The following POGLUT1 variants were observed in gnomAD, a reference collection of about 807,000 sequenced individuals.
POGLUT1 encodes the protein 9630046K23Rik.
In POGLUT1, 32 loss-of-function variants were observed where a neutral mutation model predicts 61.3. That is an observed-to-expected ratio of 0.52 (90% CI 0.39 to 0.70). POGLUT1 has a LOEUF of 0.70. Among genes scored for constraint, POGLUT1 ranks in the 30% least tolerant of loss-of-function variants. The pLI is 0.00. For missense variants in POGLUT1, 411 were observed against 469.8 expected, an observed-to-expected ratio of 0.87 and a Z score of 1.16; for synonymous variants, 158 against 158.2, an observed-to-expected ratio of 1.00 and a Z score of 0.01.
intron 7 of POGLUT1, chr3:119,487,160 C>G: frequency 1.9e-6 from 1 of 514,040 alleles, no homozygotes; most frequent in Admixed American, 3.2e-5. Context: ...AGGTTTAAAC[C>G]AGGGGTCACA....
At position 119,492,305 on chromosome 3, in the gene POGLUT1, A is replaced by G; in HGVS notation, c.1046A>G (p.His349Arg). ...AGGGGAAGCCAGTTTATTAGGAACC[A>G]TTTGCAGATGGATGACATCACCTGT... ...AERGSQFIRN[H>R]LQMDDITCYW... Residue 349 changes from histidine to arginine, a missense_variant, in exon 11 of 11, where the codon CAT becomes CGT. By Grantham distance (29) the His-to-Arg change is conservative. Transcript: ENST00000295588. The G allele has an allele frequency of 1.2e-6, 2 of 1,608,260 alleles. No individual in the cohort carries two copies. The highest frequency in any genetic ancestry group is 1.7e-6 in the Non-Finnish European group (2 of 1,177,468).
Position 119,471,328 on chromosome 3 carries a change from A to C in POGLUT1, c.196A>C (p.Thr66Pro). The change falls in exon 3 of 11, where the codon ACT becomes CCT. Residue 66 changes from threonine (T) to proline (P), a missense_variant. Thr to Pro is a conservative substitution (Grantham distance 38). Coordinates refer to ENST00000295588, the MANE Select transcript of POGLUT1 (RefSeq NM_152305.3). The stretch of plus-strand genomic sequence containing the variant: ...TCCCAGTGTCATAGAAGAGGATCTA[A>C]CTCCTTTCCGAGGAGGCATCTCCAG... ...CYHGVIEEDL[T>P]PFRGGISRKM... 2 of 1,613,902 alleles carry C rather than the reference A, an allele frequency of 1.2e-6. No individual in the cohort carries two copies. Among genetic ancestry groups the C allele is most frequent in the East Asian group, 4.5e-5 (2 of 44,872 alleles).
chr3:119,471,369 G>A lies in POGLUT1; in HGVS notation c.237G>A (p.Glu79=). 6.2e-7 allele frequency: 1 copy of A among 1,613,874 alleles called. No homozygotes were observed. The highest frequency in any genetic ancestry group is 8.5e-7 in the Non-Finnish European group (1 of 1,179,752). ...GCATCTCCAGGAAGATGATGGCAGA[G>A]GTAGTCAGACGGAAGCTAGGGACCC... is the stretch of plus-strand genomic sequence containing the variant. ...RGGISRKMMA[E]VVRRKLGTHY... The change falls in exon 3 of 11, where the codon GAG becomes GAA. Residue 79 remains glutamate (E), a synonymous_variant. Transcript: ENST00000295588.
chr3:119,475,987 CACACACAAACACAT>C (rs747895716), intron 3 of POGLUT1, among the ~76,000 whole-genome samples: 2,434 of 130,668 alleles, frequency 0.019, 28 homozygotes, highest in Middle Eastern at 0.082. Context: ...CACACACACA[CACACACAAACACAT>C]ACAGAGTTGC....
rs539520997 is a variant in POGLUT1 at position 119,475,213 on chromosome 3, T to G, written c.321-2100T>G. Among the ~76,000 whole-genome samples, 10 of 152,358 alleles carry G rather than the reference T, an allele frequency of 6.6e-5. No homozygotes were observed. The East Asian group carries it at 1.9e-3, about 29-fold the overall frequency. ...CTAGACTCATCAACAAAATAAAACATGCTGTCTTCTGTTCTGCACTTAGAT... is the reference window on the plus strand; with the variant it reads ...CTAGACTCATCAACAAAATAAAACAGGCTGTCTTCTGTTCTGCACTTAGAT... On this transcript the variant is annotated intron_variant, in intron 3 of 10. Coordinates refer to ENST00000295588, the MANE Select transcript of POGLUT1 (RefSeq NM_152305.3).
At chr3:119,471,497 T>C (rs2081474019) in intron 3 of POGLUT1, 45 bp downstream of exon 3, 4 of 1,571,652 alleles carry the variant, frequency 2.5e-6, no homozygotes, top group Non-Finnish European at 3.5e-6. Context: ...TTATTACATA[T>C]GGGCTTGATA....
At chr3:119,491,236 TATATA>T (rs984944370) in intron 9 of POGLUT1, among the ~76,000 whole-genome samples, 15 of 148,160 alleles carry the variant, frequency 1.0e-4, no homozygotes, top group African/African-American at 2.9e-4. Flanking sequence ...TCTAATATAA[TATATA>T]ATATAAATAT....
intron 7 of POGLUT1, chr3:119,488,290 G>A (rs758352044): frequency 5.9e-5 from 9 of 152,158 alleles, no homozygotes; most frequent in Non-Finnish European, 1.3e-4. Flanking sequence ...CTGCTAAGGT[G>A]GATGGAATGT....
In POGLUT1 at chr3:119,471,371, T is replaced by C. The variant is rs1417960546; in HGVS notation, c.239T>C (p.Val80Ala). ...GGISRKMMAEVVRRKLGTHYQ... is the reference protein window; with the variant it reads ...GGISRKMMAEAVRRKLGTHYQ... ...ATCTCCAGGAAGATGATGGCAGAGGTAGTCAGACGGAAGCTAGGGACCCAC... is the reference window on the plus strand; with the variant it reads ...ATCTCCAGGAAGATGATGGCAGAGGCAGTCAGACGGAAGCTAGGGACCCAC... The change falls in exon 3 of 11, where the codon GTA (valine) becomes GCA (alanine). Residue 80 changes from valine to alanine, a missense_variant. Physicochemically the swap from Val to Ala is moderately conservative, Grantham distance 64. Coordinates refer to ENST00000295588, the MANE Select transcript of POGLUT1 (RefSeq NM_152305.3). 6 of 1,613,600 alleles carry C rather than the reference T, an allele frequency of 3.7e-6. No homozygotes were observed. In the African/African-American group the frequency reaches 5.3e-5, roughly 14 times the overall value.
At chr3:119,482,201 T>C (rs956789378) in intron 5 of POGLUT1, among the ~76,000 whole-genome samples, 1 of 152,244 alleles carries the variant, frequency 6.6e-6, no homozygotes, top group Non-Finnish European at 1.5e-5. Flanking sequence ...TTTTCCCACC[T>C]GCCATGCAGC....
At chr3:119,472,198 G>GTTTTTTTTTTTTTTTTTT (rs202225934) in intron 3 of POGLUT1, among the ~76,000 whole-genome samples, 1 of 149,238 alleles carries the variant, frequency 6.7e-6, no homozygotes. Context: ...TATTTTTGGA[G>GTTTTTTTTTTTTTTTTTT]TTTGTTTTTT....
At chr3:119,492,213 C>A in intron 10 of POGLUT1, 69 bp from the exon 11 acceptor site, 2 of 1,184,262 alleles carry the variant, frequency 1.7e-6, no homozygotes, top group Non-Finnish European at 2.4e-6. Context: ...AAGGTGAGCA[C>A]TCAAATGCAG....
chr3:119,478,192 G>A, intron 4 of POGLUT1: 1 of 365,282 alleles, frequency 2.7e-6, no homozygotes, highest in Non-Finnish European at 5.4e-6. Flanking sequence ...GAGAGTGGAT[G>A]GAAGATTCTA....
intron 8 of POGLUT1, 149 bp downstream of exon 8, chr3:119,489,136 T>A: frequency 2.0e-6 from 1 of 504,388 alleles, no homozygotes; most frequent in Non-Finnish European, 3.7e-6. Flanking sequence ...AGGGCCTAAA[T>A]GCACTGACCT....
Position 119,492,637 on chromosome 3 carries a change from C to T in POGLUT1, c.*199C>T, listed in dbSNP as rs188259849. ...TCTAATACACTGATATGAAGCAGTTCAACTTTTTGGATGAATAAGGACCAG... is the reference window on the plus strand; with the variant it reads ...TCTAATACACTGATATGAAGCAGTTTAACTTTTTGGATGAATAAGGACCAG... On this transcript the variant is annotated 3_prime_UTR_variant, in exon 11 of 11. Transcript: ENST00000295588. 1.3e-5 allele frequency: 4 copies of T among 316,156 alleles called. No individual in the cohort carries two copies. In the Admixed American group the frequency reaches 1.5e-4, roughly 12 times the overall value. The allele number at this position is 316,156 out of a possible 1,614,324, so 19.6% of individuals were successfully genotyped here. A position where few individuals can be genotyped will look rare whatever the true frequency, so the allele number is the denominator to read the frequency against.
At chr3:119,485,250 A>G in intron 5 of POGLUT1, 78 bp from the exon 6 acceptor site, 1 of 907,896 alleles carries the variant, frequency 1.1e-6, no homozygotes, top group East Asian at 2.5e-5. Context: ...CTCTGAACTA[A>G]TCTTCAGAAA....
rs745522007 is a variant in POGLUT1, at chr3:119,469,904, A to G, written c.170A>G (p.Tyr57Cys). 22 of 1,570,958 alleles carry G rather than the reference A, an allele frequency of 1.4e-5. No homozygotes were observed. The highest frequency in any genetic ancestry group is 1.8e-5 in the Non-Finnish European group (21 of 1,140,672). Residue 57 changes from tyrosine (Y) to cysteine (C), a missense_variant, in exon 2 of 11, where the codon TAC (tyrosine) becomes TGC (cysteine). By Grantham distance (194) the Tyr-to-Cys change is radical. Transcript: ENST00000295588. ...EPCSSQNCSCYHGVIEEDLTP... is the reference protein window; with the variant it reads ...EPCSSQNCSCCHGVIEEDLTP... ...TGTTCAAGTCAAAACTGCAGCTGCT[A>G]CCATGGGTGAGTTCTTTTCTTTGAT...
In POGLUT1 at chr3:119,493,052, A is replaced by G. The variant is rs938100685; in HGVS notation, c.*614A>G. 1.3e-5 allele frequency: 2 copies of G among 152,418 alleles called. No individual in the cohort carries two copies. Among genetic ancestry groups the G allele is most frequent in the Non-Finnish European group, 2.9e-5 (2 of 68,012 alleles). 9.4% of individuals were successfully genotyped at this position (152,418 alleles called of 1,614,324 possible). On this transcript the variant is annotated 3_prime_UTR_variant, in exon 11 of 11. Transcript: ENST00000295588. ...TCAGGAGGTTTCTATAATGCCACATAGAAAGAGGCCAATTGCATGAGTAAT... is the reference window on the plus strand; with the variant it reads ...TCAGGAGGTTTCTATAATGCCACATGGAAAGAGGCCAATTGCATGAGTAAT...
At position 119,490,579 on chromosome 3, in the gene POGLUT1, G is replaced by C. The variant is rs1393955569; in HGVS notation, c.826G>C (p.Ala276Pro). The C allele has an allele frequency of 1.2e-6, 2 of 1,614,000 alleles. No individual in the cohort carries two copies. Among genetic ancestry groups the C allele is most frequent in the African/African-American group, 2.7e-5 (2 of 74,906 alleles). ...TCTGTTTAATTTTCGAGGCGTAGCT[G>C]CAAGTTTCCGGTTTAAACACCTCTT... ...KYLFNFRGVA[A>P]SFRFKHLFLC... The change falls in exon 9 of 11, where the codon GCA (alanine) becomes CCA (proline). Residue 276 changes from alanine to proline, a missense_variant. Transcript: ENST00000295588.
Sources: allele counts gnomAD v4.1 joint callset (sites outside exome capture counted in the v4.1 genomes callset), GRCh38; gene constraint gnomAD v4.1.1; transcripts MANE v1.5; gene names NCBI Gene and HGNC (gene_info 2026-07-23, HGNC 2026-07-21).